TSGA10: variants seen among roughly 807,000 people sequenced by gnomAD.
TSGA10 encodes the protein testis-specific gene 10 protein.
Under a neutral mutation model 96.6 loss-of-function variants are expected in TSGA10, and 43 were observed. The observed-to-expected ratio is 0.44, with a 90% CI of 0.35 to 0.57. TSGA10 has a LOEUF of 0.57. Among genes scored for constraint, TSGA10 ranks in the 20% least tolerant of loss-of-function variants. TSGA10 has a pLI of 0.01. For missense variants in TSGA10, 703 were observed against 834.4 expected, an observed-to-expected ratio of 0.84 and a Z score of 1.94; for synonymous variants, 229 against 269.9, an observed-to-expected ratio of 0.85 and a Z score of 1.48.
intron 18 of TSGA10, 58 bp from the exon 19 acceptor site, chr2:99,018,698 T>TG (rs2079747742): frequency 7.0e-7 from 1 of 1,429,096 alleles, no homozygotes; most frequent in Non-Finnish European, 9.5e-7. Flanking sequence ...GCTATGATTC[T>TG]GGGGTACATG....
intron 20 of TSGA10, among the ~76,000 whole-genome samples, chr2:99,000,732 G>A (rs955349805): frequency 6.6e-6 from 1 of 152,054 alleles, no homozygotes; most frequent in African/African-American, 2.4e-5. Flanking sequence ...GCAAGGGGTC[G>A]GGGAATTCCC....
chr2:99,115,013 ACCTCTGTCTCTCAGGCT>A (rs1012153317), intron 4 of TSGA10, among the ~76,000 whole-genome samples: 1 of 152,114 alleles, frequency 6.6e-6, no homozygotes, highest in African/African-American at 2.4e-5. Flanking sequence ...GCTCACTGCA[ACCTCTGTCTCTCAGGCT>A]CAAGCTATTC....
chr2:99,147,621 T>C, intron 1 of TSGA10: 5 of 815,170 alleles, frequency 6.1e-6, no homozygotes, highest in Non-Finnish European at 9.6e-6. Flanking sequence ...TGATTTCAAA[T>C]GCCATGTTTT....
chr2:99,131,284 TC>T (rs2093069526), intron 1 of TSGA10, among the ~76,000 whole-genome samples: 1 of 152,216 alleles, frequency 6.6e-6, no homozygotes. Flanking sequence ...TTTGTTTGTG[TC>T]CTCTCTTATT....
rs749281496 is a variant in TSGA10 at position 99,105,679 on chromosome 2, G to A, written c.229C>T (p.Arg77Ter). The change falls in exon 8 of 21, where the codon CGA (arginine) becomes TGA (stop). Residue 77 changes from arginine (R) to a stop codon, truncating the protein, a stop_gained. Coordinates refer to ENST00000393483, the MANE Select transcript of TSGA10 (RefSeq NM_025244.4). LOFTEE classifies it high-confidence loss of function. The part of the protein sequence containing the change: ...LYEQAQEEIT[R>*]LRREMMKSCK... ...CTTTTCATCATTTCTCGTCGAAGTC[G>A]GGTAATTTCTTCCTGTGCCTATTAT... The A allele has an allele frequency of 3.1e-6, 5 of 1,590,054 alleles. No individual in the cohort carries two copies. Among genetic ancestry groups the A allele is most frequent in the Non-Finnish European group, 4.3e-6 (5 of 1,160,724 alleles).
intron 20 of TSGA10, among the ~76,000 whole-genome samples, chr2:99,004,469 G>A (rs1005870840): frequency 5.3e-5 from 8 of 151,182 alleles, no homozygotes; most frequent in South Asian, 2.1e-4. Context: ...TGTCACCACC[G>A]ATCTCACAGA....
At chr2:99,126,958 ATT>A in intron 2 of TSGA10, 88 bp downstream of exon 2, 1 of 1,130,284 alleles carries the variant, frequency 8.8e-7, no homozygotes, top group Non-Finnish European at 1.1e-6. Context: ...TGAGCTCTGA[ATT>A]AGTAGTTATT....
At chr2:99,100,990 G>A (rs548734719) in intron 10 of TSGA10, among the ~76,000 whole-genome samples, 32 of 148,606 alleles carry the variant, frequency 2.2e-4, no homozygotes, top group African/African-American at 6.9e-4. Context: ...TAGGCTGGGC[G>A]CGGTGGCTCA....
chr2:99,153,720 CT>C (rs1296895168), intron 1 of TSGA10, among the ~76,000 whole-genome samples: 6 of 152,144 alleles, frequency 3.9e-5, no homozygotes, highest in African/African-American at 1.4e-4. Flanking sequence ...TCATTCCCAC[CT>C]GCATAATACA....
At chr2:99,020,655 T>G (rs1292811720) in intron 17 of TSGA10, among the ~76,000 whole-genome samples, 173 bp from the exon 18 acceptor site, 1 of 152,216 alleles carries the variant, frequency 6.6e-6, no homozygotes. Flanking sequence ...CATGTATGTA[T>G]AGTATCACTT....
chr2:99,051,792 A>C (rs1190633541), intron 16 of TSGA10, among the ~76,000 whole-genome samples: 1 of 152,118 alleles, frequency 6.6e-6, no homozygotes, highest in African/African-American at 2.4e-5. Flanking sequence ...TTCCAACCAT[A>C]ATAATAAAAT....
At chr2:99,083,973 G>T (rs1226157768) in intron 10 of TSGA10, among the ~76,000 whole-genome samples, 1 of 152,188 alleles carries the variant, frequency 6.6e-6, no homozygotes, top group Non-Finnish European at 1.5e-5. Context: ...TTCTGGCTTT[G>T]ATATTGTACT....
intron 1 of TSGA10, among the ~76,000 whole-genome samples, chr2:99,135,391 T>C (rs946679350): frequency 6.6e-6 from 1 of 152,206 alleles, no homozygotes; most frequent in Non-Finnish European, 1.5e-5. Flanking sequence ...CATTTGGAAA[T>C]GCAGAAATCA....
intron 4 of TSGA10, among the ~76,000 whole-genome samples, chr2:99,114,047 T>C (rs1021173308): frequency 2.6e-5 from 4 of 152,226 alleles, no homozygotes; most frequent in South Asian, 2.1e-4. Context: ...GAAGTTACTG[T>C]TGACCTTTAA....
At chr2:99,099,205 G>A (rs984190857) in intron 10 of TSGA10, among the ~76,000 whole-genome samples, 11 of 152,152 alleles carry the variant, frequency 7.2e-5, no homozygotes, top group African/African-American at 1.7e-4. Flanking sequence ...CCAGCTGCTC[G>A]GGAGGCTGAG....
In TSGA10 at chr2:99,000,490, A is replaced by G. The variant is rs558446804; in HGVS notation, c.2073-2269T>C. ...CTGCCATTGCACTCCAGTCTGGGGGACAAGAGTGAAACTCTGACTTAAAAA... is the reference window on the plus strand; with the variant it reads ...CTGCCATTGCACTCCAGTCTGGGGGGCAAGAGTGAAACTCTGACTTAAAAA... On this transcript the variant is annotated intron_variant, in intron 20 of 20. Transcript: ENST00000393483. 1.1e-4 allele frequency among the ~76,000 whole-genome samples: 17 copies of G among 151,436 alleles called. No individual in the cohort carries two copies. The South Asian group carries it at 3.6e-3, about 32-fold the overall frequency.
At chr2:99,147,486 A>T in intron 1 of TSGA10, 1 of 1,613,930 alleles carries the variant, frequency 6.2e-7, no homozygotes, top group South Asian at 1.1e-5. Flanking sequence ...AACTCTGGGG[A>T]AGTTAAGGTA....
At chr2:99,116,020 G>A (rs2092236179) in intron 4 of TSGA10, among the ~76,000 whole-genome samples, 1 of 152,144 alleles carries the variant, frequency 6.6e-6, no homozygotes, top group South Asian at 2.1e-4. Context: ...TACTTTAACA[G>A]TGACTTCAAT....
At chr2:99,049,316 A>C (rs2083143144) in intron 16 of TSGA10, among the ~76,000 whole-genome samples, 1 of 152,234 alleles carries the variant, frequency 6.6e-6, no homozygotes, top group African/African-American at 2.4e-5. Context: ...AATAGCAAAG[A>C]CTTGGAACCA....
Sources: gnomAD v4.1 joint callset for allele counts (sites outside exome capture counted in the v4.1 genomes callset) on GRCh38, gnomAD v4.1.1 for gene constraint, MANE v1.5 for transcripts, NCBI Gene and HGNC (gene_info 2026-07-23, HGNC 2026-07-21) for gene names.